ESYT3: variants seen among roughly 807,000 people sequenced by gnomAD.
ESYT3 encodes extended synaptotagmin-3.
ESYT3 carries 101 observed loss-of-function variants against 111.5 expected under a neutral mutation model. That is an observed-to-expected ratio of 0.91 (90% CI 0.77 to 1.07). The LOEUF (loss-of-function observed/expected upper bound fraction) is 1.07. Ranked by LOEUF, ESYT3 falls within the 50% of genes least tolerant of loss-of-function variation. ESYT3 has a pLI of 0.00. For missense variants in ESYT3, 1,097 were observed against 1,109.4 expected, an observed-to-expected ratio of 0.99 and a Z score of 0.16; for synonymous variants, 416 against 446.8, an observed-to-expected ratio of 0.93 and a Z score of 0.87.
intron 4 of ESYT3, among the ~76,000 whole-genome samples, chr3:138,458,092 T>C (rs6768963): frequency 0.16 from 24,860 of 151,946 alleles, 4,648 homozygotes; most frequent in African/African-American, 0.44. Context: ...TCATAATGGG[T>C]GTGAGTCAGG....
At position 138,468,097 on chromosome 3, in the gene ESYT3, C is replaced by T. The variant is rs757278796; in HGVS notation, c.1219-8C>T. ...CTTTTCCCTGAGCTTTCTGCCCCTA[C>T]CCCACAGTGGTTTGTCCTGAATGAC... is the stretch of plus-strand genomic sequence containing the variant. On this transcript the variant is annotated splice_region_variant and splice_polypyrimidine_tract_variant and intron_variant, in intron 11 of 22. Coordinates refer to ENST00000389567, the MANE Select transcript of ESYT3 (RefSeq NM_031913.5). 14 of 1,613,916 alleles carry T rather than the reference C, an allele frequency of 8.7e-6. No homozygotes were observed. Among genetic ancestry groups the T allele is most frequent in the African/African-American group, 2.7e-5 (2 of 74,906 alleles).
intron 2 of ESYT3, among the ~76,000 whole-genome samples, chr3:138,454,032 G>A (rs192517062): frequency 2.0e-5 from 3 of 152,310 alleles, no homozygotes; most frequent in East Asian, 3.9e-4. Context: ...CTGGTAATGT[G>A]AAAATAGCAA....
At chr3:138,469,157 T>A (rs765788771) in intron 14 of ESYT3, 7 of 594,294 alleles carry the variant, frequency 1.2e-5, no homozygotes, top group Admixed American at 5.9e-5. Context: ...GATTCCACAC[T>A]GTTTTCATAG....
intron 1 of ESYT3, among the ~76,000 whole-genome samples, chr3:138,444,445 A>G (rs2031391027): frequency 6.6e-6 from 1 of 152,226 alleles, no homozygotes; most frequent in Admixed American, 6.5e-5. Flanking sequence ...AGGATAGTGT[A>G]CATGTTTTAT....
At chr3:138,436,650 A>G (rs1019240913) in intron 1 of ESYT3, among the ~76,000 whole-genome samples, 1 of 152,202 alleles carries the variant, frequency 6.6e-6, no homozygotes, top group Non-Finnish European at 1.5e-5. Flanking sequence ...CCTGACTCCC[A>G]CAGACTTTGG....
rs973121295 is a variant in ESYT3 at position 138,435,752 on chromosome 3, C to T, written c.327+627C>T. Among the ~76,000 whole-genome samples, 1 of 152,178 alleles carries T rather than the reference C, an allele frequency of 6.6e-6. No individual in the cohort carries two copies. Among genetic ancestry groups the T allele is most frequent in the Non-Finnish European group, 1.5e-5 (1 of 68,040 alleles). On this transcript the variant is annotated intron_variant, in intron 1 of 22. Coordinates refer to ENST00000389567, the MANE Select transcript of ESYT3 (RefSeq NM_031913.5). This position sits in a 1 kb window ranked among gnomAD's most constrained non-coding sequence, Gnocchi z 4.8. Reference sequence around the variant, plus strand: ...CCGACAAACCCATCTCCTGGGGCGGCATGGGCGGCACTACGATTCCTCAAA... The same window carrying T: ...CCGACAAACCCATCTCCTGGGGCGGTATGGGCGGCACTACGATTCCTCAAA...
chr3:138,452,903 C>T (rs182989075), intron 2 of ESYT3, among the ~76,000 whole-genome samples: 4 of 152,176 alleles, frequency 2.6e-5, no homozygotes, highest in Non-Finnish European at 4.4e-5. Flanking sequence ...CATTACCAGA[C>T]GTGTCATTGC....
chr3:138,457,654 A>G lies in ESYT3; in HGVS notation c.581+10A>G, dbSNP rs370253839. ...TGGACCTGCAGATCTGGTGAGCTCT[A>G]TCGGGCTGGGTATGGGCTTCGGGGT... On this transcript the variant is annotated intron_variant, in intron 4 of 22. Coordinates refer to ENST00000389567, the MANE Select transcript of ESYT3 (RefSeq NM_031913.5). 7.4e-5 allele frequency: 120 copies of G among 1,613,954 alleles called. No individual in the cohort carries two copies. The highest frequency in any genetic ancestry group is 1.2e-4 in the African/African-American group (9 of 74,910).
intron 20 of ESYT3, 199 bp downstream of exon 20, chr3:138,474,551 C>T (rs779439240): frequency 1.2e-5 from 6 of 488,418 alleles, no homozygotes; most frequent in Non-Finnish European, 1.0e-5. Flanking sequence ...TGGCCACCTA[C>T]ATTTACTGCT....
chr3:138,469,284 AG>A, intron 14 of ESYT3, 151 bp from the exon 15 acceptor site: 1 of 677,724 alleles, frequency 1.5e-6, no homozygotes, highest in Non-Finnish European at 2.6e-6. Flanking sequence ...ATGACAGCCC[AG>A]GGGGACTGGG....
At position 138,477,033 on chromosome 3, in the gene ESYT3, G is replaced by A; in HGVS notation, c.*179G>A. On this transcript the variant is annotated 3_prime_UTR_variant, in exon 23 of 23. Transcript: ENST00000389567. ...TTAACTCCATGACTGAATAGCATAAGGAAGAGGTTATTTAAAAGCAAGAAC... is the reference window on the plus strand; with the variant it reads ...TTAACTCCATGACTGAATAGCATAAAGAAGAGGTTATTTAAAAGCAAGAAC... 4.4e-6 allele frequency: 2 copies of A among 452,102 alleles called. No individual in the cohort carries two copies. The highest frequency in any genetic ancestry group is 7.7e-6 in the Non-Finnish European group (2 of 259,906). The allele number at this position is 452,102 out of a possible 1,614,324, so 28.0% of individuals were successfully genotyped here.
chr3:138,474,501 G>A lies in ESYT3; in HGVS notation c.2468+149G>A, dbSNP rs78238293. On this transcript the variant is annotated intron_variant, in intron 20 of 22. Coordinates refer to ENST00000389567, the MANE Select transcript of ESYT3 (RefSeq NM_031913.5). ...CTATGACTTCATGAAGCTTCTGTAC[G>A]TTAGTGGGGAAAATGGAGTGCCAGA... The A allele has an allele frequency of 2.0e-4, 167 of 836,594 alleles. No homozygotes were observed. The African/African-American group carries it at 2.3e-3, about 11-fold the overall frequency. 51.8% of individuals were successfully genotyped at this position (836,594 alleles called of 1,614,324 possible).
At chr3:138,480,947 T>G (rs2033677171), downstream of ESYT3, 1 of 152,138 alleles carries the variant, frequency 6.6e-6, no homozygotes, top group Admixed American at 6.5e-5. Flanking sequence ...TCACATATAC[T>G]CAATTTATGA....
At chr3:138,467,037 A>G (rs1218922944) in intron 10 of ESYT3, among the ~76,000 whole-genome samples, 1 of 152,172 alleles carries the variant, frequency 6.6e-6, no homozygotes, top group African/African-American at 2.4e-5. Context: ...TCACATTTCA[A>G]CATGAGATTT....
chr3:138,465,342 A>G lies in ESYT3; in HGVS notation c.1090A>G (p.Met364Val). 1.3e-6 allele frequency: 2 copies of G among 1,588,594 alleles called. No individual in the cohort carries two copies. The highest frequency in any genetic ancestry group is 1.7e-6 in the Non-Finnish European group (2 of 1,167,048). ...NPTWNEVFEFMVYEVPGQDLE... is the reference protein window; with the variant it reads ...NPTWNEVFEFVVYEVPGQDLE... ...AGACACCTCTTTTTCCTTCCAGTTC[A>G]TGGTGTACGAAGTCCCTGGACAGGA... Residue 364 changes from methionine (M) to valine (V), a missense_variant, in exon 10 of 23, where the codon ATG becomes GTG. Met to Val is a conservative substitution (Grantham distance 21). Transcript: ENST00000389567.
rs2030587095 is a variant in ESYT3 at position 138,435,448 on chromosome 3, C to T, written c.327+323C>T. ...AGAAAAACAAGGGCGTCTGGGACTT[C>T]GCAGACTTACTCGGGTTGGAATCAG... On this transcript the variant is annotated intron_variant, in intron 1 of 22. Coordinates refer to ENST00000389567, the MANE Select transcript of ESYT3 (RefSeq NM_031913.5). The surrounding 1 kb of genome is among the most constrained non-coding windows in gnomAD (Gnocchi z 4.8). Among the ~76,000 whole-genome samples, 1 of 152,218 alleles carries T rather than the reference C, an allele frequency of 6.6e-6. No individual in the cohort carries two copies. The highest frequency in any genetic ancestry group is 2.4e-5 in the African/African-American group (1 of 41,454).
intron 4 of ESYT3, 47 bp downstream of exon 4, chr3:138,457,691 A>T (rs66644444): frequency 0.53 from 840,619 of 1,575,962 alleles, 227,880 homozygotes; most frequent in Admixed American, 0.71. Context: ...CAGGGGACAC[A>T]GTGGGAACAG....
At chr3:138,455,072 G>A in intron 2 of ESYT3, 122 bp from the exon 3 acceptor site, 2 of 1,139,002 alleles carry the variant, frequency 1.8e-6, no homozygotes, top group African/African-American at 3.1e-5. Flanking sequence ...GGTGAGTGCT[G>A]CAGCATAGGA....
chr3:138,442,895 A>G (rs2031261491), intron 1 of ESYT3, among the ~76,000 whole-genome samples: 1 of 152,220 alleles, frequency 6.6e-6, no homozygotes, highest in Admixed American at 6.5e-5. Context: ...CTGTGGTCTT[A>G]TCAGCATTGA....
Sources: gnomAD v4.1 joint callset for allele counts (sites outside exome capture counted in the v4.1 genomes callset) on GRCh38, gnomAD v4.1.1 for gene constraint, Gnocchi (gnomAD v3.1) non-coding constraint, MANE v1.5 for transcripts, NCBI Gene and HGNC (gene_info 2026-07-23, HGNC 2026-07-21) for gene names.